The following PIAS2 variants were observed in gnomAD, a reference collection of about 807,000 sequenced individuals.
PIAS2 encodes protein inhibitor of activated STAT 2.
Under a neutral mutation model 69.7 loss-of-function variants are expected in PIAS2, and 19 were observed. The observed-to-expected ratio is 0.27, with a 90% CI of 0.19 to 0.40. The LOEUF (loss-of-function observed/expected upper bound fraction) is 0.40, where lower values mean the gene tolerates loss of function less well. Ranked by LOEUF, PIAS2 falls within the 10% of genes least tolerant of loss-of-function variation. The probability of loss-of-function intolerance (pLI) is 1.00; values close to 1 mark genes in which losing one functional copy is unlikely to be tolerated. For missense variants in PIAS2, 624 were observed against 757.0 expected (o/e 0.82, Z 2.06); for synonymous variants, 261 against 263.2 (o/e 0.99, Z 0.08).
chr18:46,828,860 T>C (rs938720405), intron 10 of PIAS2, among the ~76,000 whole-genome samples: 2 of 152,182 alleles, frequency 1.3e-5, no homozygotes, highest in African/African-American at 4.8e-5. Context: ...CAGTTGATAA[T>C]GGAAAAGCAA....
At chr18:46,815,383 A>G (rs1055378392) in intron 12 of PIAS2, 34 bp from the exon 13 acceptor site, 1 of 1,606,854 alleles carries the variant, frequency 6.2e-7, no homozygotes, top group African/African-American at 1.3e-5. Flanking sequence ...TAGTTGTCTC[A>G]TATTTTGGGA....
intron 1 of PIAS2, 75 bp downstream of exon 1, chr18:46,917,247 G>T: frequency 7.0e-7 from 1 of 1,421,598 alleles, no homozygotes; most frequent in South Asian, 1.3e-5. Context: ...GCAGGCGGCG[G>T]CCGGCGACGT....
intron 11 of PIAS2, among the ~76,000 whole-genome samples, chr18:46,824,106 C>T (rs1238499006): frequency 6.6e-6 from 1 of 152,156 alleles, no homozygotes; most frequent in Non-Finnish European, 1.5e-5. Flanking sequence ...ACGTTTGTAA[C>T]TTTATCCATA....
chr18:46,855,732 T>C, intron 3 of PIAS2, 117 bp from the exon 4 acceptor site: 1 of 747,586 alleles, frequency 1.3e-6, no homozygotes, highest in South Asian at 1.7e-5. Context: ...CCCTGAAAGG[T>C]GATCAATATA....
intron 2 of PIAS2, among the ~76,000 whole-genome samples, chr18:46,878,611 G>A (rs777696378): frequency 6.6e-5 from 10 of 152,202 alleles, no homozygotes; most frequent in Non-Finnish European, 1.3e-4. Context: ...GGTCACTCCT[G>A]TAATCCCAGC....
chr18:46,849,502 C>A (rs891369000), intron 5 of PIAS2, among the ~76,000 whole-genome samples: 1 of 152,030 alleles, frequency 6.6e-6, no homozygotes, highest in Non-Finnish European at 1.5e-5. Flanking sequence ...GGCAAATATG[C>A]GAGCTTTCTA....
chr18:46,835,821 C>A (rs1030619116), intron 9 of PIAS2, among the ~76,000 whole-genome samples: 1 of 152,026 alleles, frequency 6.6e-6, no homozygotes, highest in African/African-American at 2.4e-5. Context: ...GGATGACGTG[C>A]AATTTTTAAA....
intron 2 of PIAS2, among the ~76,000 whole-genome samples, chr18:46,871,372 A>C (rs749606400): frequency 2.6e-4 from 40 of 152,344 alleles, no homozygotes; most frequent in Admixed American, 5.9e-4. Flanking sequence ...AAGCTTACAA[A>C]GGATTTAAGT....
At chr18:46,835,749 G>A (rs893431489) in intron 9 of PIAS2, among the ~76,000 whole-genome samples, 5 of 152,066 alleles carry the variant, frequency 3.3e-5, no homozygotes, top group South Asian at 4.2e-4. Context: ...CCATAGGATG[G>A]TACTGCTAAT....
intron 10 of PIAS2, 117 bp downstream of exon 10, chr18:46,829,617 T>A (rs1447570028): frequency 2.4e-6 from 2 of 844,338 alleles, no homozygotes; most frequent in East Asian, 2.5e-5. Flanking sequence ...AAACTATATA[T>A]CATCAAAAGA....
chr18:46,918,142 G>C (rs1218015359), upstream of PIAS2: 1 of 152,118 alleles, frequency 6.6e-6, no homozygotes, highest in Non-Finnish European at 1.5e-5. Context: ...GGGGAAATCT[G>C]ATAGCTAGGA....
chr18:46,883,374 C>A (rs544106992), intron 2 of PIAS2, among the ~76,000 whole-genome samples: 1 of 152,076 alleles, frequency 6.6e-6, no homozygotes, highest in African/African-American at 2.4e-5. Context: ...ATATAAACAG[C>A]GAACAAAGAG....
chr18:46,887,906 G>A (rs944201539), intron 2 of PIAS2, among the ~76,000 whole-genome samples: 3 of 152,138 alleles, frequency 2.0e-5, no homozygotes, highest in Non-Finnish European at 4.4e-5. Context: ...CATACAAACA[G>A]AAAAGAAAGA....
intron 3 of PIAS2, among the ~76,000 whole-genome samples, chr18:46,859,247 T>G (rs551821647): frequency 1.3e-5 from 2 of 151,834 alleles, no homozygotes; most frequent in African/African-American, 4.8e-5. Context: ...GCTAACATGG[T>G]GAAACCCTGT....
intron 2 of PIAS2, among the ~76,000 whole-genome samples, chr18:46,865,522 C>CAA (rs11321908): frequency 2.8e-5 from 3 of 108,250 alleles, no homozygotes; most frequent in Admixed American, 1.0e-4. Flanking sequence ...CGATAGTCTT[C>CAA]AAAAAAAAAA....
chr18:46,905,820 A>G (rs570729875), intron 1 of PIAS2: 3 of 152,210 alleles, frequency 2.0e-5, no homozygotes, highest in Non-Finnish European at 4.4e-5. Flanking sequence ...TAATAATTTT[A>G]TAAGCAAGTT....
chr18:46,876,554 T>C (rs1447542015), intron 2 of PIAS2, among the ~76,000 whole-genome samples: 1 of 152,226 alleles, frequency 6.6e-6, no homozygotes, highest in Non-Finnish European at 1.5e-5. Context: ...GTGGAGTTTG[T>C]GTCATCATTG....
At chr18:46,841,052 A>G (rs1168930604) in intron 8 of PIAS2, among the ~76,000 whole-genome samples, 1 of 151,352 alleles carries the variant, frequency 6.6e-6, no homozygotes, top group African/African-American at 2.4e-5. Context: ...TCTCTCCCCC[A>G]GCTACCCAGT....
intron 9 of PIAS2, among the ~76,000 whole-genome samples, chr18:46,832,945 C>T (rs1352686648): frequency 1.3e-5 from 2 of 149,888 alleles, no homozygotes; most frequent in Non-Finnish European, 3.0e-5. Context: ...GAATGAGGAG[C>T]AATCAAAACT....
Sources: gnomAD v4.1 joint callset for allele counts (sites outside exome capture counted in the v4.1 genomes callset) on GRCh38, gnomAD v4.1.1 for gene constraint, MANE v1.5 for transcripts, NCBI Gene and HGNC (gene_info 2026-07-23, HGNC 2026-07-21) for gene names.